Variants in PLIN3 observed in about 807,000 individuals in gnomAD.
The protein encoded by PLIN3 is perilipin-3.
PLIN3 carries 30 observed loss-of-function variants against 35.9 expected under a neutral mutation model. The ratio of observed to expected loss-of-function variants is 0.84; its 90% confidence interval spans 0.62 to 1.13. PLIN3 has a LOEUF of 1.13. PLIN3 is among the 50% of genes most tolerant of loss of function. PLIN3 has a pLI of 0.00. For synonymous variants in PLIN3, 261 were observed against 262.5 expected (o/e 0.99, Z 0.06); for missense variants, 603 against 596.9 (o/e 1.01, Z -0.11).
At chr19:4,865,477 A>G (rs1295731519) in intron 1 of PLIN3, among the ~76,000 whole-genome samples, 1 of 149,172 alleles carries the variant, frequency 6.7e-6, no homozygotes, top group African/African-American at 2.4e-5. Flanking sequence ...TGACAGAGGG[A>G]GACTCCGTTT....
Position 4,861,421 on chromosome 19 carries a change from G to A in PLIN3, c.-17-10C>T. ...GTCTCTGCAGCAGACGCTGAGGAGA[G>A]AGGAACAGTCAGGTACAGCCTGCCT... On this transcript the variant is annotated splice_polypyrimidine_tract_variant and intron_variant, in intron 1 of 7. Coordinates refer to ENST00000221957, the MANE Select transcript of PLIN3 (RefSeq NM_005817.5). 1.9e-6 allele frequency: 3 copies of A among 1,600,780 alleles called. No homozygotes were observed. Among genetic ancestry groups the A allele is most frequent in the Non-Finnish European group, 2.6e-6 (3 of 1,172,112 alleles).
intron 1 of PLIN3, among the ~76,000 whole-genome samples, chr19:4,864,278 G>C (rs1469203479): frequency 2.0e-5 from 3 of 151,450 alleles, no homozygotes; most frequent in Non-Finnish European, 4.4e-5. Flanking sequence ...TCAGCCTCCT[G>C]AGTAGCTGGG....
chr19:4,863,527 A>T lies in PLIN3; in HGVS notation c.-17-2116T>A, dbSNP rs567802226. On this transcript the variant is annotated intron_variant, in intron 1 of 7. Transcript: ENST00000221957. ...AAAAAAAAAAAAGAGATTTAAATGTAACTCACATGGGCCAGATGTGGTGGG... is the reference window on the plus strand; with the variant it reads ...AAAAAAAAAAAAGAGATTTAAATGTTACTCACATGGGCCAGATGTGGTGGG... 3.9e-4 allele frequency among the ~76,000 whole-genome samples: 56 copies of T among 142,044 alleles called. 1 individual carries two copies. The highest frequency in any genetic ancestry group is 1.6e-3 in the South Asian group (7 of 4,502). The allele number at this position is 142,044 out of a possible 152,430, so 93.2% of individuals were successfully genotyped here. A position where few individuals can be genotyped will look rare whatever the true frequency, so the allele number is the denominator to read the frequency against.
At chr19:4,851,963 C>T (rs1175239901) in intron 5 of PLIN3, 53 bp downstream of exon 5, 1 of 1,564,884 alleles carries the variant, frequency 6.4e-7, no homozygotes, top group Non-Finnish European at 8.7e-7. Context: ...ACAGCGGCTT[C>T]CGGTCAGGGG....
At chr19:4,839,677 T>G (rs2029870695) in intron 7 of PLIN3, 141 bp from the exon 8 acceptor site, 2 of 575,294 alleles carry the variant, frequency 3.5e-6, no homozygotes, top group South Asian at 8.7e-5. Flanking sequence ...CTTTTTTTTT[T>G]TTTTTTGAGA....
chr19:4,864,778 G>A (rs924597674), intron 1 of PLIN3, among the ~76,000 whole-genome samples: 3 of 152,138 alleles, frequency 2.0e-5, no homozygotes, highest in African/African-American at 4.8e-5. Flanking sequence ...AAATGAAGCT[G>A]GGACACCATC....
chr19:4,854,643 A>G (rs2030414309), intron 4 of PLIN3, among the ~76,000 whole-genome samples: 1 of 152,080 alleles, frequency 6.6e-6, no homozygotes, highest in Non-Finnish European at 1.5e-5. Flanking sequence ...GATGAGAGTC[A>G]GGTTCTAACA....
chr19:4,865,049 G>A (rs182853358), intron 1 of PLIN3, among the ~76,000 whole-genome samples: 6 of 152,112 alleles, frequency 3.9e-5, no homozygotes, highest in East Asian at 3.9e-4. Context: ...AATTAGGTGC[G>A]GGTGTGGTGG....
At chr19:4,862,864 AAAC>A (rs1486255494) in intron 1 of PLIN3, among the ~76,000 whole-genome samples, 1 of 152,152 alleles carries the variant, frequency 6.6e-6, no homozygotes, top group Non-Finnish European at 1.5e-5. Context: ...GGGAATAAGA[AAAC>A]AACAAGTGTG....
In PLIN3 at chr19:4,859,624, T is replaced by C; in HGVS notation, c.314A>G (p.Glu105Gly). 6.2e-7 allele frequency: 1 copy of C among 1,614,098 alleles called. No homozygotes were observed. Reference protein sequence around the residue: ...YAHRGLDKLEENLPILQQPTE... With the variant: ...YAHRGLDKLEGNLPILQQPTE... The stretch of plus-strand genomic sequence containing the variant: ...GGGCTGCTGCAGGATGGGGAGGTTC[T>C]CCTCCAACTTGTCCAGCCCCCTGTG... Residue 105 changes from glutamate (E) to glycine (G), a missense_variant, in exon 4 of 8, where the codon GAG becomes GGG. Transcript: ENST00000221957.
intron 4 of PLIN3, among the ~76,000 whole-genome samples, chr19:4,858,965 G>T (rs1278570561): frequency 6.6e-6 from 1 of 151,860 alleles, no homozygotes; most frequent in African/African-American, 2.4e-5. Flanking sequence ...GCCTCCCAAA[G>T]TGCTGGGATT....
At chr19:4,866,915 G>A (rs1419989746) in intron 1 of PLIN3, 1 of 152,606 alleles carries the variant, frequency 6.6e-6, no homozygotes, top group Non-Finnish European at 1.5e-5. Flanking sequence ...CTCCAGGCCA[G>A]ACCCAGCCAT....
intron 4 of PLIN3, among the ~76,000 whole-genome samples, chr19:4,857,728 C>T (rs989701091): frequency 6.6e-6 from 1 of 152,108 alleles, no homozygotes; most frequent in Non-Finnish European, 1.5e-5. Flanking sequence ...GTAATCCCAA[C>T]ACTTTGGGAG....
intron 4 of PLIN3, among the ~76,000 whole-genome samples, chr19:4,855,919 T>C (rs1243875414): frequency 1.2e-5 from 1 of 81,202 alleles, no homozygotes; most frequent in African/African-American, 4.7e-5. Context: ...AGCAAGACCT[T>C]GTCTCAAAAA....
In PLIN3 at chr19:4,852,172, T is replaced by G; in HGVS notation, c.478A>C (p.Ser160Arg). The change falls in exon 5 of 8, where the codon AGC becomes CGC. Residue 160 changes from serine to arginine, a missense_variant. Transcript: ENST00000221957. ...ACGGACTTTGTCTTGTCCACGCCGC[T>G]CTGCACAGCACCGCGGGTCGCGTCC... ...AVDATRGAVQ[S>R]GVDKTKSVVT... is the part of the protein sequence containing the mutation. 6.2e-7 allele frequency: 1 copy of G among 1,613,906 alleles called. No individual in the cohort carries two copies. Among genetic ancestry groups the G allele is most frequent in the Non-Finnish European group, 8.5e-7 (1 of 1,180,004 alleles).
chr19:4,842,741 T>C (rs1042251798), intron 7 of PLIN3, among the ~76,000 whole-genome samples: 4 of 152,012 alleles, frequency 2.6e-5, no homozygotes, highest in African/African-American at 9.7e-5. Context: ...GTTTTTTCAT[T>C]TGAAAAGTCA....
At chr19:4,867,271 T>C (rs970898592) in intron 1 of PLIN3, among the ~76,000 whole-genome samples, 4 of 152,120 alleles carry the variant, frequency 2.6e-5, no homozygotes, top group African/African-American at 9.7e-5. Flanking sequence ...GCAAATGGCG[T>C]TTCCAAAAGC....
intron 1 of PLIN3, among the ~76,000 whole-genome samples, chr19:4,865,849 G>A (rs1322064309): frequency 1.3e-5 from 2 of 149,872 alleles, no homozygotes; most frequent in Admixed American, 6.7e-5. Context: ...TCAGCCTCCC[G>A]AGTAGCTGGG....
At chr19:4,867,359 A>G (rs1005343009) in intron 1 of PLIN3, among the ~76,000 whole-genome samples, 2 of 152,152 alleles carry the variant, frequency 1.3e-5, no homozygotes, top group African/African-American at 4.8e-5. Flanking sequence ...CACCCCTTCT[A>G]CGGGGCTCTT....
Sources: gnomAD v4.1 joint callset for allele counts (sites outside exome capture counted in the v4.1 genomes callset) on GRCh38, gnomAD v4.1.1 for gene constraint, MANE v1.5 for transcripts, NCBI Gene and HGNC (gene_info 2026-07-23, HGNC 2026-07-21) for gene names.